The following TRPC5OS variants were observed in gnomAD, a reference collection of about 807,000 sequenced individuals.
TRPC5OS encodes the protein putative uncharacterized protein TRPC5OS.
For missense variants in TRPC5OS, 64 were observed against 79.3 expected, an observed-to-expected ratio of 0.81 and a Z score of 0.73; for synonymous variants, 30 against 29.3, an observed-to-expected ratio of 1.02 and a Z score of -0.08.
intron 3 of TRPC5OS, among the ~76,000 whole-genome samples, chrX:111,899,533 A>G (rs990625455): frequency 9.0e-6 from 1 of 111,440 alleles, no homozygotes; most frequent in Non-Finnish European, 1.9e-5. Context: ...AAGAGGAGGA[A>G]TAAAAGAGTC....
rs138289881 is a variant in TRPC5OS, at chrX:111,901,750, C to T, written c.-100C>T. On this transcript the variant is annotated 5_prime_UTR_variant, in exon 4 of 4. Coordinates refer to ENST00000635763, the MANE Select transcript of TRPC5OS (RefSeq NM_001195578.2). ...ATCCTAATTTCTGGCCTAAACCAAC[C>T]ACAGAACCATTGTTAGCCCCTTATA... 2.4e-3 allele frequency: 1,563 copies of T among 662,863 alleles called. 15 individuals carry two copies. In the African/African-American group the frequency reaches 0.031, roughly 13 times the overall value. The allele number at this position is 662,863 out of a possible 1,213,427, so 54.6% of individuals were successfully genotyped here.
intron 3 of TRPC5OS, among the ~76,000 whole-genome samples, chrX:111,899,982 A>G (rs1925259435): frequency 9.1e-6 from 1 of 110,475 alleles, no homozygotes; most frequent in South Asian, 3.9e-4. Flanking sequence ...GACAAACCCC[A>G]TGTGTACTGG....
intron 1 of TRPC5OS, among the ~76,000 whole-genome samples, chrX:111,894,077 T>TA (rs1924945392): frequency 9.0e-6 from 1 of 111,450 alleles, no homozygotes; most frequent in Non-Finnish European, 1.9e-5. Context: ...AAGGGAACAC[T>TA]ATGGAAAAAA....
chrX:111,886,432 G>C (rs933600634), intron 1 of TRPC5OS, among the ~76,000 whole-genome samples: 2 of 112,262 alleles, frequency 1.8e-5, no homozygotes, highest in Admixed American at 1.9e-4. Context: ...TAAGTGTTTG[G>C]TAGATTATGC....
In TRPC5OS at chrX:111,901,816, G is replaced by A; in HGVS notation, c.-34G>A. 4 of 1,024,468 alleles carry A rather than the reference G, an allele frequency of 3.9e-6. No individual in the cohort carries two copies. Among genetic ancestry groups the A allele is most frequent in the South Asian group, 2.5e-5 (1 of 40,677 alleles). The allele number at this position is 1,024,468 out of a possible 1,213,427, so 84.4% of individuals were successfully genotyped here. A position where few individuals can be genotyped will look rare whatever the true frequency, so the allele number is the denominator to read the frequency against. ...AAGAGTCCATTTGCTAGAGCTTTTA[G>A]TGATATTTTATCTATTTAGAAGAGC... On this transcript the variant is annotated 5_prime_UTR_variant, in exon 4 of 4. In the 5' UTR this introduces an upstream ATG that the reference lacks. Transcript: ENST00000635763.
intron 1 of TRPC5OS, among the ~76,000 whole-genome samples, chrX:111,894,810 CAT>C (rs1924981448): frequency 9.0e-6 from 1 of 111,601 alleles, no homozygotes; most frequent in Admixed American, 9.5e-5. Flanking sequence ...TATTTTTTAA[CAT>C]ATGTGATTAT....
chrX:111,899,757 T>C (rs1925247358), intron 3 of TRPC5OS, among the ~76,000 whole-genome samples: 2 of 111,720 alleles, frequency 1.8e-5, no homozygotes, highest in Admixed American at 9.6e-5. Flanking sequence ...GATGAGCTGA[T>C]GCATGTTCTA....
intron 1 of TRPC5OS, among the ~76,000 whole-genome samples, chrX:111,891,956 A>G (rs932264005): frequency 8.9e-6 from 1 of 112,508 alleles, no homozygotes; most frequent in African/African-American, 3.2e-5. Context: ...ATGCTATGGA[A>G]TGTTATTTTG....
chrX:111,876,120 C>T (rs748407227), upstream of TRPC5OS: 1 of 110,488 alleles, frequency 9.1e-6, no homozygotes, highest in South Asian at 3.9e-4. Flanking sequence ...GAGGTGGGAG[C>T]TATCTCTTAA....
At chrX:111,879,288 G>A (rs1924094461) in intron 1 of TRPC5OS, among the ~76,000 whole-genome samples, 1 of 112,108 alleles carries the variant, frequency 8.9e-6, no homozygotes, top group African/African-American at 3.2e-5. Flanking sequence ...AGGAGACGTT[G>A]ACTCTCGTTC....
intron 3 of TRPC5OS, among the ~76,000 whole-genome samples, chrX:111,898,811 G>T (rs895072411): frequency 9.0e-5 from 10 of 110,521 alleles, no homozygotes; most frequent in African/African-American, 2.6e-4. Flanking sequence ...TGAGGGGTAA[G>T]AAATCTGAGG....
intron 1 of TRPC5OS, among the ~76,000 whole-genome samples, chrX:111,885,796 AAATC>A (rs1166881293): frequency 1.8e-5 from 2 of 111,247 alleles, no homozygotes; most frequent in African/African-American, 3.3e-5. Context: ...TTTACAAACT[AAATC>A]AATAGGGCAT....
At chrX:111,889,059 G>A (rs188757217) in intron 1 of TRPC5OS, among the ~76,000 whole-genome samples, 8 of 112,290 alleles carry the variant, frequency 7.1e-5, no homozygotes, top group Non-Finnish European at 1.3e-4. Context: ...AGATAAACAA[G>A]TATGAGATTT....
At chrX:111,887,451 C>T (rs987943801) in intron 1 of TRPC5OS, among the ~76,000 whole-genome samples, 2 of 111,868 alleles carry the variant, frequency 1.8e-5, no homozygotes, top group African/African-American at 6.5e-5. Flanking sequence ...AGGGCATGTC[C>T]CCTTCCTAAC....
At chrX:111,900,010 A>C (rs1054737902) in intron 3 of TRPC5OS, among the ~76,000 whole-genome samples, 1 of 111,247 alleles carries the variant, frequency 9.0e-6, no homozygotes, top group Non-Finnish European at 1.9e-5. Flanking sequence ...TTGGACAAAA[A>C]AAAAATGTAG....
chrX:111,881,535 G>T (rs1167251339), intron 1 of TRPC5OS, among the ~76,000 whole-genome samples: 1 of 111,514 alleles, frequency 9.0e-6, no homozygotes, highest in Non-Finnish European at 1.9e-5. Flanking sequence ...AGAAGAAGTT[G>T]CACAGACCAT....
At chrX:111,891,358 C>T (rs928692370) in intron 1 of TRPC5OS, among the ~76,000 whole-genome samples, 2 of 111,365 alleles carry the variant, frequency 1.8e-5, no homozygotes, top group Non-Finnish European at 3.8e-5. Context: ...TTCTTTTTCT[C>T]TGCAACCTCA....
chrX:111,893,448 GT>G (rs1924909754), intron 1 of TRPC5OS, among the ~76,000 whole-genome samples: 1 of 111,570 alleles, frequency 9.0e-6, no homozygotes, highest in Non-Finnish European at 1.9e-5. Context: ...TTTGAACAGT[GT>G]TTTGAGGAAA....
At chrX:111,887,171 T>C (rs779025277) in intron 1 of TRPC5OS, among the ~76,000 whole-genome samples, 1 of 112,650 alleles carries the variant, frequency 8.9e-6, no homozygotes, top group Admixed American at 9.4e-5. Context: ...TCTCCCTTTA[T>C]GCTATTACAT....
Sources: gnomAD v4.1 joint callset for allele counts (sites outside exome capture counted in the v4.1 genomes callset) on GRCh38, gnomAD v4.1.1 for gene constraint, MANE v1.5 for transcripts, NCBI Gene and HGNC (gene_info 2026-07-23, HGNC 2026-07-21) for gene names.